Variants in DHRS12 observed in about 807,000 individuals in gnomAD.
The protein encoded by DHRS12 is dehydrogenase/reductase 12.
Under a neutral mutation model 32.1 loss-of-function variants are expected in DHRS12, and 29 were observed. The observed-to-expected ratio is 0.90, with a 90% CI of 0.67 to 1.23. The LOEUF is 1.23. DHRS12 is among the 50% of genes most tolerant of loss of function. The pLI, the probability that DHRS12 is intolerant of heterozygous loss-of-function variation, is 0.00. For missense variants in DHRS12, 330 were observed against 337.2 expected (o/e 0.98, Z 0.17); for synonymous variants, 150 against 135.9 (o/e 1.10, Z -0.72).
intron 7 of DHRS12, chr13:51,770,817 C>T: frequency 9.5e-7 from 1 of 1,050,696 alleles, no homozygotes; most frequent in Non-Finnish European, 1.1e-6. Flanking sequence ...ATATAGTGCA[C>T]ACAGGGTTTT....
rs1371520455 is a variant in DHRS12, at chr13:51,768,167, C to G, written c.*20G>C. 2 of 1,535,964 alleles carry G rather than the reference C, an allele frequency of 1.3e-6. No individual in the cohort carries two copies. Among genetic ancestry groups the G allele is most frequent in the East Asian group, 4.9e-5 (2 of 40,932 alleles). The stretch of plus-strand genomic sequence containing the variant: ...GTATCTTCTAAGGCAATTCTGGTAC[C>G]GCACTGTGTCTGGGTTGGCCTATTT... On this transcript the variant is annotated 3_prime_UTR_variant, in exon 9 of 9. Transcript: ENST00000444610.
At chr13:51,771,585 TC>T in intron 7 of DHRS12, 1 of 1,547,538 alleles carries the variant, frequency 6.5e-7, no homozygotes, top group Non-Finnish European at 8.7e-7. Flanking sequence ...CTGCTCCCGT[TC>T]CCACCATCTC....
At chr13:51,791,142 C>A in intron 3 of DHRS12, 23 bp downstream of exon 3, 1 of 1,490,556 alleles carries the variant, frequency 6.7e-7, no homozygotes, top group Non-Finnish European at 9.1e-7. Flanking sequence ...AATTTATTCT[C>A]CACTTATGTT....
At chr13:51,780,797 T>C (rs933051170) in intron 4 of DHRS12, among the ~76,000 whole-genome samples, 4 of 152,222 alleles carry the variant, frequency 2.6e-5, no homozygotes, top group African/African-American at 9.6e-5. Flanking sequence ...ACTAAATTCA[T>C]AGTATTTCTG....
At chr13:51,786,514 C>G (rs922071258) in intron 4 of DHRS12, among the ~76,000 whole-genome samples, 3 of 152,214 alleles carry the variant, frequency 2.0e-5, no homozygotes, top group African/African-American at 7.2e-5. Context: ...GCAATCTCTT[C>G]CCCTCCATGG....
chr13:51,795,429 C>T (rs1009840603), intron 2 of DHRS12, among the ~76,000 whole-genome samples: 1 of 152,180 alleles, frequency 6.6e-6, no homozygotes, highest in Non-Finnish European at 1.5e-5. Context: ...ATAATAGTAG[C>T]TACTTCTATT....
chr13:51,769,377 AG>A (rs1287069423), intron 7 of DHRS12, 84 bp from the exon 8 acceptor site: 11 of 1,059,310 alleles, frequency 1.0e-5, no homozygotes, highest in South Asian at 1.7e-5. Flanking sequence ...AAAAAAAAAA[AG>A]TGCAAAAATG....
intron 4 of DHRS12, among the ~76,000 whole-genome samples, chr13:51,787,857 T>C (rs1955048532): frequency 8.3e-6 from 1 of 121,202 alleles, no homozygotes; most frequent in South Asian, 2.2e-4. Context: ...TATAATTATA[T>C]ATAATATATA....
intron 6 of DHRS12, among the ~76,000 whole-genome samples, chr13:51,772,500 C>G (rs1954077548): frequency 6.6e-6 from 1 of 152,084 alleles, no homozygotes; most frequent in African/African-American, 2.4e-5. Flanking sequence ...GTGGGCAAAT[C>G]AAAATGATTT....
At chr13:51,759,976 A>C in the DHRS12 span, 3 of 509,504 alleles carry the variant, frequency 5.9e-6, no homozygotes, top group South Asian at 1.2e-4. Context: ...CATACAATAT[A>C]AAAGAAGCTA....
chr13:51,767,936 A>G (rs957330162), downstream of DHRS12: 5 of 1,272,434 alleles, frequency 3.9e-6, no homozygotes, highest in African/African-American at 1.5e-5. Flanking sequence ...CGAATTCTTT[A>G]GAAAACCATT....
At chr13:51,756,849 G>A in the DHRS12 span, among the ~76,000 whole-genome samples, 2 of 152,186 alleles carry the variant, frequency 1.3e-5, no homozygotes, top group East Asian at 1.9e-4. Flanking sequence ...GGTCCAGAAG[G>A]TTTCATTTTC....
At chr13:51,771,376 T>G in intron 7 of DHRS12, 1 of 1,613,938 alleles carries the variant, frequency 6.2e-7, no homozygotes, top group Non-Finnish European at 8.5e-7. Flanking sequence ...TCCAGATCAT[T>G]CGAGCTGTGT....
chr13:51,795,850 T>A (rs961451222), intron 2 of DHRS12, among the ~76,000 whole-genome samples: 1 of 152,092 alleles, frequency 6.6e-6, no homozygotes, highest in Non-Finnish European at 1.5e-5. Flanking sequence ...AAGAAACACA[T>A]ACCTTGGGGT....
intron 2 of DHRS12, chr13:51,797,842 C>G (rs1379925765): frequency 1.0e-5 from 16 of 1,535,332 alleles, no homozygotes; most frequent in African/African-American, 2.7e-5. Context: ...ACCGCTCTCC[C>G]GGATGATCTC....
intron 5 of DHRS12, chr13:51,776,064 C>CTATGGTTCTGGAGCCCAGA: frequency 3.9e-5 from 4 of 103,522 alleles, no homozygotes; most frequent in African/African-American, 1.3e-4. Flanking sequence ...ATGTATTCTA[C>CTATGGTTCTGGAGCCCAGA]AGTATTCTCC....
the DHRS12 span, chr13:51,755,478 T>TCATC: frequency 1.2e-6 from 2 of 1,603,930 alleles, no homozygotes; most frequent in African/African-American, 2.7e-5. Flanking sequence ...TATGGATGCT[T>TCATC]CATCAAAATG....
rs200874850 is a variant in DHRS12 at position 51,791,174 on chromosome 13, G to C, written c.210C>G (p.Leu70=). The C allele has an allele frequency of 4.9e-5, 77 of 1,577,526 alleles. No individual in the cohort carries two copies. In the Admixed American group the frequency reaches 1.1e-3, roughly 22 times the overall value. Reference sequence around the variant, plus strand: ...TGTTTACAAAGCTCACCAGAACATGGAGTTTATGTTCCTGCTTGAAATTTT... The same window carrying C: ...TGTTTACAAAGCTCACCAGAACATGCAGTTTATGTTCCTGCTTGAAATTTT... The part of the protein sequence containing the change: ...FVENFKQEHK[L]HVLINNAGCM... The change falls in exon 3 of 9, where the codon CTC becomes CTG. Residue 70 remains leucine (L), a synonymous_variant. Coordinates refer to ENST00000444610, the MANE Select transcript of DHRS12 (RefSeq NM_001377533.1).
chr13:51,768,357 C>G, intron 8 of DHRS12, 61 bp from the exon 9 acceptor site: 2 of 1,532,640 alleles, frequency 1.3e-6, no homozygotes, highest in South Asian at 2.4e-5. Flanking sequence ...GGGTCCATGT[C>G]CCTGTGCTGC....
Sources: gnomAD v4.1 joint callset for allele counts (sites outside exome capture counted in the v4.1 genomes callset) on GRCh38, gnomAD v4.1.1 for gene constraint, MANE v1.5 for transcripts, NCBI Gene and HGNC (gene_info 2026-07-23, HGNC 2026-07-21) for gene names.